Variants in SLC17A2 observed in about 807,000 individuals in gnomAD.
The protein encoded by SLC17A2 is solute carrier family 17 member 2.
In SLC17A2, 38 loss-of-function variants were observed where a neutral mutation model predicts 52.1. The ratio of observed to expected loss-of-function variants is 0.73; its 90% CI spans 0.56 to 0.96. SLC17A2 has a LOEUF of 0.96. Ranked by LOEUF, SLC17A2 falls within the 40% of genes least tolerant of loss-of-function variation. The pLI is 0.00. For synonymous variants in SLC17A2, 226 were observed against 211.9 expected (o/e 1.07, Z -0.58); for missense variants, 508 against 583.9 (o/e 0.87, Z 1.34).
intron 2 of SLC17A2, among the ~76,000 whole-genome samples, chr6:25,924,946 C>A (rs1766704637): frequency 6.6e-6 from 1 of 151,930 alleles, no homozygotes; most frequent in South Asian, 2.1e-4. Flanking sequence ...AACCACAGAC[C>A]AATATTGAAA....
chr6:25,917,687 G>T (rs1766380968), intron 6 of SLC17A2, among the ~76,000 whole-genome samples: 1 of 152,144 alleles, frequency 6.6e-6, no homozygotes, highest in African/African-American at 2.4e-5. Context: ...GACACCATTT[G>T]GCTATAAAAA....
At chr6:25,916,892 T>C (rs774241682) in intron 7 of SLC17A2, 46 bp from the exon 8 acceptor site, 96 of 1,609,362 alleles carry the variant, frequency 6.0e-5, no homozygotes, top group Admixed American at 1.7e-4. Context: ...GCAGCCAAGA[T>C]GGTGCCTCTC....
At chr6:25,918,624 T>G (rs1439477087) in intron 5 of SLC17A2, 51 bp from the exon 6 acceptor site, 1 of 1,257,914 alleles carries the variant, frequency 7.9e-7, no homozygotes, top group African/African-American at 1.5e-5. Context: ...AGGCTGAGAC[T>G]TCGTGGCCTC....
chr6:25,914,625 G>C lies in SLC17A2; in HGVS notation c.1257C>G (p.Ile419Met). 6.2e-7 allele frequency: 1 copy of C among 1,612,828 alleles called. No individual in the cohort carries two copies. The highest frequency in any genetic ancestry group is 8.5e-7 in the Non-Finnish European group (1 of 1,178,928). ...TGGCAGTGGAAGAGATGATTCCTGCGATGAGCCCAAATCCCCTTGAGATTC... is the reference window on the plus strand; with the variant it reads ...TGGCAGTGGAAGAGATGATTCCTGCCATGAGCCCAAATCCCCTTGAGATTC... ...LMGISRGFGL[I>M]AGIISSTATG... The change falls in exon 11 of 12, where the codon ATC (isoleucine) becomes ATG (methionine). Residue 419 changes from isoleucine (I) to methionine (M), a missense_variant. Physicochemically the swap from Ile to Met is conservative, Grantham distance 10. Coordinates refer to ENST00000377850, the MANE Select transcript of SLC17A2 (RefSeq NM_001286123.3).
At chr6:25,925,582 G>T (rs1766732760) in intron 2 of SLC17A2, among the ~76,000 whole-genome samples, 187 bp downstream of exon 2, 1 of 151,848 alleles carries the variant, frequency 6.6e-6, no homozygotes. Flanking sequence ...TTGCTTATTT[G>T]GCTTAATTTC....
chr6:25,915,349 C>T lies in SLC17A2; in HGVS notation c.1211+150G>A. The T allele has an allele frequency of 1.1e-5, 8 of 709,896 alleles. No individual in the cohort carries two copies. The South Asian group carries it at 1.2e-4, about 11-fold the overall frequency. 44.0% of individuals were successfully genotyped at this position (709,896 alleles called of 1,614,324 possible). ...TTCTAAAAATGCCACATTTGTTGTT[C>T]TAAAAATGGCCACAGACAGATATTT... On this transcript the variant is annotated intron_variant, in intron 10 of 11. Coordinates refer to ENST00000377850, the MANE Select transcript of SLC17A2 (RefSeq NM_001286123.3).
intron 3 of SLC17A2, 123 bp downstream of exon 3, chr6:25,923,572 G>A: frequency 1.4e-6 from 1 of 736,318 alleles, no homozygotes; most frequent in Non-Finnish European, 2.3e-6. Flanking sequence ...AAGAAAAATA[G>A]TTCCAGTCAG....
chr6:25,929,762 A>C (rs2151563157), intron 1 of SLC17A2, among the ~76,000 whole-genome samples: 1 of 152,200 alleles, frequency 6.6e-6, no homozygotes, highest in Non-Finnish European at 1.5e-5. Flanking sequence ...TCTTGCCTTC[A>C]GTCTTATTCA....
chr6:25,915,768 A>G lies in SLC17A2; in HGVS notation c.1031T>C (p.Leu344Ser). 1 of 1,614,222 alleles carries G rather than the reference A, an allele frequency of 6.2e-7. No individual in the cohort carries two copies. Among genetic ancestry groups the G allele is most frequent in the Middle Eastern group, 1.7e-4 (1 of 6,050 alleles). ...TGAAAAGAGCTTTCGCACAGTGATC[A>G]ATCTGAGAAGATTCCTGGACAAAAG... ...DFLLSRNLLRLITVRKLFSSL... is the reference protein window; with the variant it reads ...DFLLSRNLLRSITVRKLFSSL... The change falls in exon 9 of 12, where the codon TTG becomes TCG. Residue 344 changes from leucine to serine, a missense_variant. By Grantham distance (145) the Leu-to-Ser change is moderately radical (BLOSUM62 -2). Coordinates refer to ENST00000377850, the MANE Select transcript of SLC17A2 (RefSeq NM_001286123.3).
At chr6:25,922,629 A>C (rs563666554) in intron 3 of SLC17A2, among the ~76,000 whole-genome samples, 44 of 152,348 alleles carry the variant, frequency 2.9e-4, no homozygotes, top group African/African-American at 1.0e-3. Flanking sequence ...TTATGTACTC[A>C]TTGTAAATAA....
chr6:25,915,942 G>A (rs1766296283), intron 8 of SLC17A2, 74 bp from the exon 9 acceptor site: 9 of 1,418,796 alleles, frequency 6.3e-6, no homozygotes, highest in Non-Finnish European at 7.7e-6. Context: ...ACACAGACCA[G>A]CCATTAACTT....
chr6:25,915,870 TGAAG>T lies in SLC17A2; in HGVS notation c.931-6_931-3del. 1.9e-6 allele frequency: 3 copies of T among 1,613,156 alleles called. No homozygotes were observed. The East Asian group carries it at 6.7e-5, about 36-fold the overall frequency. On this transcript the variant is annotated splice_polypyrimidine_tract_variant and splice_region_variant and intron_variant, in intron 8 of 11. Coordinates refer to ENST00000377850, the MANE Select transcript of SLC17A2 (RefSeq NM_001286123.3). ...AGGCAGGGAGGACAGAACTCCACTCTGAAGGAAGGAAGTTTATACAGAGTAGTTA... is the reference window on the plus strand; with the variant it reads ...AGGCAGGGAGGACAGAACTCCACTCTGAAGGAAGTTTATACAGAGTAGTTA...
intron 11 of SLC17A2, 73 bp from the exon 12 acceptor site, chr6:25,913,524 T>C: frequency 7.1e-7 from 1 of 1,400,714 alleles, no homozygotes; most frequent in Non-Finnish European, 1.0e-6. Context: ...GCCCTCCCAG[T>C]TGTGTATTGC....
intron 1 of SLC17A2, 40 bp from the exon 2 acceptor site, chr6:25,925,919 A>G (rs1766748062): frequency 9.5e-7 from 1 of 1,052,888 alleles, no homozygotes; most frequent in South Asian, 1.3e-5. Context: ...TACACAAATA[A>G]TTTCCCCTTG....
chr6:25,923,163 A>G (rs1019222137), intron 3 of SLC17A2, among the ~76,000 whole-genome samples: 4 of 152,094 alleles, frequency 2.6e-5, no homozygotes, highest in Admixed American at 6.6e-5. Context: ...CTCCAGCCTG[A>G]ATGACAGAGG....
chr6:25,920,921 T>G lies in SLC17A2; in HGVS notation c.562+85A>C, dbSNP rs1766527341. The G allele has an allele frequency of 2.3e-6, 3 of 1,299,830 alleles. No individual in the cohort carries two copies. The Admixed American group carries it at 5.7e-5, about 25-fold the overall frequency. 80.5% of individuals were successfully genotyped at this position (1,299,830 alleles called of 1,614,324 possible). ...TTTTCAGCAGTACTTTTTCTCTCTCTTCCCCAAACCATTTGATTCATAGAA... is the reference window on the plus strand; with the variant it reads ...TTTTCAGCAGTACTTTTTCTCTCTCGTCCCCAAACCATTTGATTCATAGAA... On this transcript the variant is annotated intron_variant, in intron 5 of 11. Coordinates refer to ENST00000377850, the MANE Select transcript of SLC17A2 (RefSeq NM_001286123.3).
At chr6:25,928,163 A>G (rs1018337758) in intron 1 of SLC17A2, among the ~76,000 whole-genome samples, 2 of 151,978 alleles carry the variant, frequency 1.3e-5, no homozygotes, top group Non-Finnish European at 2.9e-5. Flanking sequence ...CTGAAACCAC[A>G]TGATGCACAG....
rs1420885673 is a variant in SLC17A2 at position 25,915,741 on chromosome 6, G to C, written c.1058C>G (p.Ser353Cys). 1.9e-6 allele frequency: 3 copies of C among 1,613,898 alleles called. No homozygotes were observed. The highest frequency in any genetic ancestry group is 2.5e-6 in the Non-Finnish European group (3 of 1,179,992). The change falls in exon 9 of 12, where the codon TCT becomes TGT. Residue 353 changes from serine to cysteine, a missense_variant. By Grantham distance (112) the Ser-to-Cys change is moderately radical. Coordinates refer to ENST00000377850, the MANE Select transcript of SLC17A2 (RefSeq NM_001286123.3). ...RLITVRKLFS[S>C]LGLLLPSICA... ...GCCCACACGCTTATCCTTACCAAGAGATGAAAAGAGCTTTCGCACAGTGAT... is the reference window on the plus strand; with the variant it reads ...GCCCACACGCTTATCCTTACCAAGACATGAAAAGAGCTTTCGCACAGTGAT...
chr6:25,914,466 G>A, intron 11 of SLC17A2, 114 bp downstream of exon 11: 2 of 694,904 alleles, frequency 2.9e-6, no homozygotes, highest in Non-Finnish European at 5.1e-6. Flanking sequence ...CTGATTTAGA[G>A]GCTCATGTAA....
Sources: gnomAD v4.1 joint callset for allele counts (sites outside exome capture counted in the v4.1 genomes callset) on GRCh38, gnomAD v4.1.1 for gene constraint, MANE v1.5 for transcripts, NCBI Gene and HGNC (gene_info 2026-07-23, HGNC 2026-07-21) for gene names.